AGBL4: variants seen among roughly 807,000 people sequenced by gnomAD.
AGBL4 encodes AGBL carboxypeptidase 4, also known as cytosolic carboxypeptidase 6.
In AGBL4, 58 loss-of-function variants were observed where a neutral mutation model predicts 66.4. The ratio of observed to expected loss-of-function variants is 0.87; its 90% CI spans 0.71 to 1.09. The LOEUF (loss-of-function observed/expected upper bound fraction) is 1.09, where lower values mean the gene tolerates loss of function less well. Among genes scored for constraint, AGBL4 ranks in the 50% least tolerant of loss-of-function variants. The pLI is 0.00. For synonymous variants in AGBL4, 234 were observed against 222.9 expected, an observed-to-expected ratio of 1.05 and a Z score of -0.44; for missense variants, 579 against 631.0, an observed-to-expected ratio of 0.92 and a Z score of 0.88.
chr1:49,328,063 TAAC>T (rs1450517757), intron 3 of AGBL4, among the ~76,000 whole-genome samples: 2 of 152,034 alleles, frequency 1.3e-5, no homozygotes, highest in South Asian at 2.1e-4. Flanking sequence ...GAAAGGAAAT[TAAC>T]AACAACAAAC....
intron 4 of AGBL4, among the ~76,000 whole-genome samples, chr1:49,064,607 G>A (rs1394726291): frequency 6.6e-6 from 1 of 152,006 alleles, no homozygotes; most frequent in Non-Finnish European, 1.5e-5. Flanking sequence ...TAAGTTAAAC[G>A]AAATAGATTT....
rs1438642432 is a variant in AGBL4 at position 49,240,503 on chromosome 1, A to G, written c.377+5267T>C. Among the ~76,000 whole-genome samples, 3 of 145,080 alleles carry G rather than the reference A, an allele frequency of 2.1e-5. No homozygotes were observed. The East Asian group carries it at 6.1e-4, about 29-fold the overall frequency. The stretch of plus-strand genomic sequence containing the variant: ...AGCAGTTGGCAGTATTAGTCCCTCC[A>G]CCCTGTTAAAAAAGACTTCGCTCTT... On this transcript the variant is annotated intron_variant, in intron 4 of 13. Transcript: ENST00000371839.
At chr1:49,448,720 T>A (rs1311174005) in intron 3 of AGBL4, among the ~76,000 whole-genome samples, 1 of 152,156 alleles carries the variant, frequency 6.6e-6, no homozygotes, top group Non-Finnish European at 1.5e-5. Context: ...ATGTCCTGTA[T>A]AAATGGTATC....
intron 6 of AGBL4, among the ~76,000 whole-genome samples, chr1:48,744,910 T>C (rs116556774): frequency 1.1e-3 from 169 of 152,318 alleles, no homozygotes; most frequent in Middle Eastern, 6.8e-3. Flanking sequence ...GAACACTACC[T>C]CATCTGTCTG....
intron 6 of AGBL4, among the ~76,000 whole-genome samples, chr1:48,674,568 A>G (rs79773358): frequency 0.031 from 4,760 of 151,760 alleles, 264 homozygotes; most frequent in African/African-American, 0.11. Context: ...GACCTTAGGT[A>G]TGGCTGTGCC....
At position 49,844,768 on chromosome 1, in the gene AGBL4, T is replaced by C. The variant is rs1413979648; in HGVS notation, c.157+6628A>G. On this transcript the variant is annotated intron_variant, in intron 2 of 13. Transcript: ENST00000371839. ...TGAAGAAATATCCAACAATGTCATC[T>C]TGGTAGAAAGATTCCTCTGGGATGG... 7 of 1,588,704 alleles carry C rather than the reference T, an allele frequency of 4.4e-6. No homozygotes were observed. In the Admixed American group the frequency reaches 1.0e-4, roughly 23 times the overall value.
At chr1:49,556,187 T>C (rs1347088965) in intron 3 of AGBL4, among the ~76,000 whole-genome samples, 2 of 152,124 alleles carry the variant, frequency 1.3e-5, no homozygotes, top group African/African-American at 4.8e-5. Context: ...CACCATGGAA[T>C]ACTATGCAGC....
At chr1:49,381,931 G>C (rs971964971) in intron 3 of AGBL4, among the ~76,000 whole-genome samples, 1 of 151,658 alleles carries the variant, frequency 6.6e-6, no homozygotes, top group Non-Finnish European at 1.5e-5. Context: ...CACCAGCATG[G>C]CACATGTATA....
At chr1:48,709,481 T>A (rs947325873) in intron 6 of AGBL4, among the ~76,000 whole-genome samples, 6 of 152,152 alleles carry the variant, frequency 3.9e-5, no homozygotes, top group African/African-American at 1.4e-4. Context: ...TATTTCTTTA[T>A]AACTTTGGGC....
chr1:49,624,279 C>A lies in AGBL4; in HGVS notation c.282+73034G>T, dbSNP rs143940823. On this transcript the variant is annotated intron_variant, in intron 3 of 13. Transcript: ENST00000371839. ...TTAAAACCCTTCAAAGCATTTAGCA[C>A]CATGCCTGGCACATAATAAATGCTT... is the stretch of plus-strand genomic sequence containing the variant. Among the ~76,000 whole-genome samples the A allele has an allele frequency of 8.0e-3, 1,216 of 152,190 alleles. 9 individuals carry two copies. Among genetic ancestry groups the A allele is most frequent in the Middle Eastern group, 0.031 (9 of 294 alleles).
chr1:49,794,149 T>C (rs1423940372), intron 2 of AGBL4, among the ~76,000 whole-genome samples: 1 of 151,922 alleles, frequency 6.6e-6, no homozygotes, highest in Non-Finnish European at 1.5e-5. Context: ...TTGTCATATT[T>C]TGCTCCTTCA....
At chr1:49,859,346 T>C in intron 1 of AGBL4, among the ~76,000 whole-genome samples, 1 of 152,208 alleles carries the variant, frequency 6.6e-6, no homozygotes, top group East Asian at 1.9e-4. Context: ...AGCAAAGTAT[T>C]AGCAAATCAA....
chr1:49,050,257 CTGAG>C (rs913392153), intron 4 of AGBL4, among the ~76,000 whole-genome samples: 3 of 152,160 alleles, frequency 2.0e-5, no homozygotes, highest in African/African-American at 7.2e-5. Flanking sequence ...ACTGAATGTT[CTGAG>C]TAAGCACACA....
At chr1:49,471,892 A>G (rs1260460691) in intron 3 of AGBL4, 3 of 152,120 alleles carry the variant, frequency 2.0e-5, no homozygotes, top group Admixed American at 1.3e-4. Flanking sequence ...GAGATGGCCA[A>G]GTAAGAAGCT....
chr1:49,805,729 T>A (rs994889150), intron 2 of AGBL4, among the ~76,000 whole-genome samples: 2 of 152,180 alleles, frequency 1.3e-5, no homozygotes, highest in African/African-American at 4.8e-5. Flanking sequence ...TAAGGGTGGA[T>A]CCTTCATAGA....
chr1:49,969,346 G>A (rs1657853454), intron 1 of AGBL4, among the ~76,000 whole-genome samples: 1 of 152,058 alleles, frequency 6.6e-6, no homozygotes, highest in Non-Finnish European at 1.5e-5. Context: ...CTCTTTGTGT[G>A]TGTATATGTG....
chr1:49,541,061 C>T (rs1351299509), intron 3 of AGBL4, among the ~76,000 whole-genome samples: 1 of 152,152 alleles, frequency 6.6e-6, no homozygotes, highest in Admixed American at 6.5e-5. Context: ...TTTTAAAATG[C>T]AGTTTCCTTT....
At chr1:49,095,063 A>G (rs1645070076) in intron 4 of AGBL4, among the ~76,000 whole-genome samples, 1 of 152,218 alleles carries the variant, frequency 6.6e-6, no homozygotes, top group Non-Finnish European at 1.5e-5. Flanking sequence ...GAGCCAAATC[A>G]TGAGCAAACT....
At chr1:48,896,292 TAA>T (rs1305996774) in intron 5 of AGBL4, among the ~76,000 whole-genome samples, 1 of 152,234 alleles carries the variant, frequency 6.6e-6, no homozygotes, top group Non-Finnish European at 1.5e-5. Flanking sequence ...GTCTAAGCTC[TAA>T]GTCTGGCATT....
Sources: allele counts gnomAD v4.1 joint callset (sites outside exome capture counted in the v4.1 genomes callset), GRCh38; gene constraint gnomAD v4.1.1; transcripts MANE v1.5; gene names NCBI Gene and HGNC (gene_info 2026-07-23, HGNC 2026-07-21).